Variants in PHC3 observed in about 807,000 individuals in gnomAD.
PHC3 encodes polyhomeotic-like protein 3.
A neutral mutation model predicts 107.4 loss-of-function variants in PHC3; 13 were observed. That is an observed-to-expected ratio of 0.12 (90% confidence interval 0.08 to 0.19). The LOEUF (loss-of-function observed/expected upper bound fraction) is 0.19. Among genes scored for constraint, PHC3 ranks in the 10% least tolerant of loss-of-function variants. PHC3 has a pLI of 1.00. For missense variants in PHC3, 992 were observed against 1,210.9 expected (o/e 0.82, Z 2.68); for synonymous variants, 456 against 427.4 (o/e 1.07, Z -0.83).
In PHC3 at chr3:170,122,615, A is replaced by G. The variant is rs1577057000; in HGVS notation, c.1918T>C (p.Leu640=). The change falls in exon 9 of 15, where the codon TTG becomes CTG. Residue 640 remains leucine, a synonymous_variant. Coordinates refer to ENST00000495893, the MANE Select transcript of PHC3 (RefSeq NM_024947.4). Reference sequence around the variant, plus strand: ...CCTAACAAAGGATGTTCAGAAGTCAAATCTTCTCCTCTCCCCACTGTTATA... The same window carrying G: ...CCTAACAAAGGATGTTCAGAAGTCAGATCTTCTCCTCTCCCCACTGTTATA... ...AAITVGRGED[L]TSEHPLLEQV... is the part of the protein sequence containing the mutation. The G allele has an allele frequency of 6.2e-7, 1 of 1,613,922 alleles. No individual in the cohort carries two copies. Among genetic ancestry groups the G allele is most frequent in the Non-Finnish European group, 8.5e-7 (1 of 1,179,868 alleles).
intron 12 of PHC3, among the ~76,000 whole-genome samples, chr3:170,104,283 G>GA (rs1291223962): frequency 6.6e-6 from 1 of 151,908 alleles, no homozygotes; most frequent in Non-Finnish European, 1.5e-5. Context: ...TGAACAATGG[G>GA]AAAGACCTGG....
intron 4 of PHC3, chr3:170,150,781 A>AAGAAACTGGTAACTGGTTGT: frequency 2.7e-6 from 1 of 370,424 alleles, no homozygotes; most frequent in South Asian, 1.9e-5. Context: ...AAGGATGCGT[A>AAGAAACTGGTAACTGGTTGT]AGAAACTGGT....
At chr3:170,153,816 C>T (rs992928912) in intron 4 of PHC3, among the ~76,000 whole-genome samples, 1 of 151,434 alleles carries the variant, frequency 6.6e-6, no homozygotes, top group Non-Finnish European at 1.5e-5. Flanking sequence ...TCCCTGACAA[C>T]CTCTCTAGCA....
chr3:170,176,030 G>A (rs1001656457), intron 2 of PHC3, among the ~76,000 whole-genome samples: 5 of 150,366 alleles, frequency 3.3e-5, no homozygotes, highest in Admixed American at 2.0e-4. Flanking sequence ...GTTTGAGACC[G>A]GCCTGACCAA....
intron 14 of PHC3, among the ~76,000 whole-genome samples, chr3:170,100,358 A>C (rs1715280208): frequency 6.6e-6 from 1 of 152,200 alleles, no homozygotes; most frequent in African/African-American, 2.4e-5. Context: ...GAAAGAAATG[A>C]ACACTAAGGC....
chr3:170,106,939 T>C lies in PHC3; in HGVS notation c.2361A>G (p.Leu787=), dbSNP rs985619646. 28 of 1,586,872 alleles carry C rather than the reference T, an allele frequency of 1.8e-5. No homozygotes were observed. Among genetic ancestry groups the C allele is most frequent in the Non-Finnish European group, 2.3e-5 (27 of 1,170,034 alleles). Residue 787 remains leucine, a synonymous_variant, in exon 12 of 15, where the codon TTA becomes TTG. Transcript: ENST00000495893. The part of the protein sequence containing the change: ...EMEDMIAEET[L]EEMDSELLKC... ...TGAGCAACTCACTGTCCATTTCTTCTAATGTCTCTAAAAAAGAAGGAAACA... is the reference window on the plus strand; with the variant it reads ...TGAGCAACTCACTGTCCATTTCTTCCAATGTCTCTAAAAAAGAAGGAAACA...
chr3:170,173,814 A>G (rs1729990461), intron 2 of PHC3, among the ~76,000 whole-genome samples: 2 of 152,222 alleles, frequency 1.3e-5, no homozygotes, highest in Admixed American at 1.3e-4. Flanking sequence ...TAGCTAGATT[A>G]GAGGTGATTT....
At position 170,093,227 on chromosome 3, in the gene PHC3, G is replaced by GC. The variant is rs1250409929; in HGVS notation, c.*4002dup. On this transcript the variant is annotated 3_prime_UTR_variant, in exon 15 of 15. Transcript: ENST00000495893. ...CCAGCTGCCTCCCTTCCTAAAGTTAGCCCCCATACGAAATCCTCTCTAAGG... is the reference window on the plus strand; with the variant it reads ...CCAGCTGCCTCCCTTCCTAAAGTTAGCCCCCCATACGAAATCCTCTCTAAGG... 6.6e-6 allele frequency: 1 copy of GC among 152,170 alleles called. No homozygotes were observed. The highest frequency in any genetic ancestry group is 1.5e-5 in the Non-Finnish European group (1 of 68,056). 9.4% of individuals were successfully genotyped at this position (152,170 alleles called of 1,614,324 possible).
intron 8 of PHC3, among the ~76,000 whole-genome samples, chr3:170,127,960 T>C (rs1360492084): frequency 6.6e-6 from 1 of 152,208 alleles, no homozygotes; most frequent in Non-Finnish European, 1.5e-5. Context: ...TTTACTCCTC[T>C]AAATGGATTT....
intron 2 of PHC3, among the ~76,000 whole-genome samples, chr3:170,177,914 C>A (rs1730741016): frequency 6.6e-6 from 1 of 151,540 alleles, no homozygotes; most frequent in Admixed American, 6.6e-5. Flanking sequence ...CAAGCTATCT[C>A]CCTGCCTTGG....
At chr3:170,176,401 G>A (rs1333419238) in intron 2 of PHC3, among the ~76,000 whole-genome samples, 1 of 152,136 alleles carries the variant, frequency 6.6e-6, no homozygotes, top group East Asian at 1.9e-4. Flanking sequence ...CAGTTAAATA[G>A]ACATTATACT....
In PHC3 at chr3:170,095,167, C is replaced by T. The variant is rs1261449108; in HGVS notation, c.*2063G>A. ...GAAGAGGGAAAAGTCAAGCATATGA[C>T]AATTCTGTCATGATGATTAACTGCT... is the stretch of plus-strand genomic sequence containing the variant. On this transcript the variant is annotated 3_prime_UTR_variant, in exon 15 of 15. Coordinates refer to ENST00000495893, the MANE Select transcript of PHC3 (RefSeq NM_024947.4). 9.9e-5 allele frequency: 15 copies of T among 152,038 alleles called. No homozygotes were observed. Among genetic ancestry groups the T allele is most frequent in the Admixed American group, 7.9e-4 (12 of 15,252 alleles). 9.4% of individuals were successfully genotyped at this position (152,038 alleles called of 1,614,324 possible).
intron 12 of PHC3, 97 bp from the exon 13 acceptor site, chr3:170,103,031 T>C (rs780682178): frequency 3.2e-5 from 36 of 1,134,812 alleles, no homozygotes; most frequent in Non-Finnish European, 4.6e-5. Context: ...AATCAGTAAG[T>C]ACCACAATAC....
intron 7 of PHC3, among the ~76,000 whole-genome samples, chr3:170,133,282 G>A (rs1029920471): frequency 1.3e-5 from 2 of 151,606 alleles, no homozygotes; most frequent in African/African-American, 4.9e-5. Context: ...AGGTTCAAGC[G>A]ATTCTCCTGC....
At position 170,090,356 on chromosome 3, in the gene PHC3, A is replaced by AT. The variant is rs1238179240; in HGVS notation, c.*6873dup. ...AGCCACAATGAATTTTGGGGGGAAGATTTTACTTACTACTAGTTCCTCATG... is the reference window on the plus strand; with the variant it reads ...AGCCACAATGAATTTTGGGGGGAAGATTTTTACTTACTACTAGTTCCTCATG... On this transcript the variant is annotated 3_prime_UTR_variant, in exon 15 of 15. Transcript: ENST00000495893. 2 of 152,174 alleles carry AT rather than the reference A, an allele frequency of 1.3e-5. No individual in the cohort carries two copies. The allele number at this position is 152,174 out of a possible 1,614,324, so 9.4% of individuals were successfully genotyped here. A position where few individuals can be genotyped will look rare whatever the true frequency, so the allele number is the denominator to read the frequency against.
chr3:170,181,190 C>T (rs977411597), intron 1 of PHC3, among the ~76,000 whole-genome samples: 1 of 152,204 alleles, frequency 6.6e-6, no homozygotes, highest in Non-Finnish European at 1.5e-5. Flanking sequence ...GGGATGCCTC[C>T]GGCACGAGGG....
At chr3:170,158,838 G>A (rs1377258581) in intron 4 of PHC3, among the ~76,000 whole-genome samples, 1 of 149,896 alleles carries the variant, frequency 6.7e-6, no homozygotes, top group Non-Finnish European at 1.5e-5. Flanking sequence ...GAGCAGGGAG[G>A]ATCACTTGAG....
At position 170,136,201 on chromosome 3, in the gene PHC3, T is replaced by C. The variant is rs1244841576; in HGVS notation, c.919+218A>G. ...GCTTAAAGATGATAATCAAATGTAA[T>C]TTGATTTTAAAAAACCTATTATATT... On this transcript the variant is annotated intron_variant, in intron 7 of 14. Transcript: ENST00000495893. The C allele has an allele frequency of 1.2e-5, 6 of 503,406 alleles. No individual in the cohort carries two copies. In the East Asian group the frequency reaches 1.5e-4, roughly 13 times the overall value. 31.2% of individuals were successfully genotyped at this position (503,406 alleles called of 1,614,324 possible).
At position 170,113,537 on chromosome 3, in the gene PHC3, T is replaced by G. The variant is rs1560038268; in HGVS notation, c.2194-18A>C. 6.4e-7 allele frequency: 1 copy of G among 1,573,224 alleles called. No homozygotes were observed. The stretch of plus-strand genomic sequence containing the variant: ...CGACTCACCTTTAAAAAAGGAGAAA[T>G]AATAAAATGAAACAATCTCCAAAAA... On this transcript the variant is annotated intron_variant, in intron 10 of 14. Transcript: ENST00000495893.
Sources: allele counts gnomAD v4.1 joint callset (sites outside exome capture counted in the v4.1 genomes callset), GRCh38; gene constraint gnomAD v4.1.1; transcripts MANE v1.5; gene names NCBI Gene and HGNC (gene_info 2026-07-23, HGNC 2026-07-21).